CNTNAP2: variants seen among roughly 807,000 people sequenced by gnomAD.
The protein encoded by CNTNAP2 is contactin-associated protein-like 2.
CNTNAP2 carries 98 observed loss-of-function variants against 155.2 expected under a neutral mutation model. The ratio of observed to expected loss-of-function variants is 0.63; its 90% CI spans 0.54 to 0.75. The LOEUF is 0.75. CNTNAP2 is among the 30% of genes least tolerant of loss of function. The pLI, the probability that CNTNAP2 is intolerant of heterozygous loss-of-function variation, is 0.00. For synonymous variants in CNTNAP2, 651 were observed against 631.2 expected (o/e 1.03, Z -0.47); for missense variants, 1,727 against 1,688.1 (o/e 1.02, Z -0.40).
At chr7:147,492,430 T>C (rs976658795) in intron 11 of CNTNAP2, among the ~76,000 whole-genome samples, 1 of 152,206 alleles carries the variant, frequency 6.6e-6, no homozygotes, top group Non-Finnish European at 1.5e-5. Context: ...TAGATACAGA[T>C]ATGTTTAAAT....
Position 146,380,878 on chromosome 7 carries a change from G to A in CNTNAP2, c.97+263905G>A, listed in dbSNP as rs554310265. Among the ~76,000 whole-genome samples the A allele has an allele frequency of 4.0e-3, 525 of 130,968 alleles. 3 individuals are homozygous for A. Among genetic ancestry groups the A allele is most frequent in the Non-Finnish European group, 6.1e-3 (391 of 64,510 alleles). The allele number at this position is 130,968 out of a possible 152,430, so 85.9% of individuals were successfully genotyped here. A position where few individuals can be genotyped will look rare whatever the true frequency, so the allele number is the denominator to read the frequency against. ...AGTGGCGCAATCTCGGCTCACTGCA[G>A]GCTCCGCCCCCTGGGGTTCACGCCA... On this transcript the variant is annotated intron_variant, in intron 1 of 23. Transcript: ENST00000361727.
chr7:147,786,579 G>A (rs1156518429), intron 13 of CNTNAP2, among the ~76,000 whole-genome samples: 1 of 152,198 alleles, frequency 6.6e-6, no homozygotes, highest in African/African-American at 2.4e-5. Flanking sequence ...AGAGGAAGCA[G>A]CAGCGTGGGG....
chr7:147,014,965 C>T (rs552142681), intron 3 of CNTNAP2, among the ~76,000 whole-genome samples: 1 of 151,992 alleles, frequency 6.6e-6, no homozygotes, highest in Non-Finnish European at 1.5e-5. Context: ...GAAAAAGAAG[C>T]CTTACTACAA....
intron 1 of CNTNAP2, among the ~76,000 whole-genome samples, chr7:146,382,900 C>T (rs376452385): frequency 8.6e-5 from 13 of 152,002 alleles, no homozygotes; most frequent in East Asian, 3.9e-4. Context: ...GAATTTGAAA[C>T]GACTACATAA....
rs143678407 is a variant in CNTNAP2, at chr7:147,532,749, A to G, written c.1778-29389A>G. On this transcript the variant is annotated intron_variant, in intron 11 of 23. Coordinates refer to ENST00000361727, the MANE Select transcript of CNTNAP2 (RefSeq NM_014141.6). ...AGACACTTCTTACGTGGCAGCAGCA[A>G]GAGAAAATGAGGAAGAAGTAAAAGC... Among the ~76,000 whole-genome samples, 38 of 152,326 alleles carry G rather than the reference A, an allele frequency of 2.5e-4. No individual in the cohort carries two copies. In the East Asian group the frequency reaches 6.8e-3, roughly 27 times the overall value.
chr7:147,404,613 A>G (rs7783311), intron 10 of CNTNAP2, among the ~76,000 whole-genome samples: 71,582 of 152,052 alleles, frequency 0.47, 19,632 homozygotes, highest in African/African-American at 0.77. Context: ...TGACTTATTC[A>G]TAATATTAGA....
intron 8 of CNTNAP2, among the ~76,000 whole-genome samples, chr7:147,137,927 A>G (rs12671954): frequency 0.36 from 53,526 of 146,952 alleles, 10,452 homozygotes; most frequent in East Asian, 0.54. Context: ...GTAGATAGAT[A>G]AAAAGTATTG....
At chr7:148,160,369 C>T (rs1317756816) in intron 17 of CNTNAP2, among the ~76,000 whole-genome samples, 1 of 150,906 alleles carries the variant, frequency 6.6e-6, no homozygotes, top group Non-Finnish European at 1.5e-5. Context: ...CGTGATCACA[C>T]TACTGTACTA....
At chr7:147,669,729 T>G (rs1408827853) in intron 13 of CNTNAP2, among the ~76,000 whole-genome samples, 1 of 152,196 alleles carries the variant, frequency 6.6e-6, no homozygotes, top group Non-Finnish European at 1.5e-5. Flanking sequence ...TTGTTTCCCA[T>G]TGGCACCACC....
intron 13 of CNTNAP2, among the ~76,000 whole-genome samples, chr7:147,778,028 A>G (rs960924891): frequency 1.3e-5 from 2 of 152,088 alleles, no homozygotes; most frequent in African/African-American, 4.8e-5. Flanking sequence ...TTACTCTCCT[A>G]TGGAACTTTT....
At chr7:147,071,352 C>T (rs1183339899) in intron 4 of CNTNAP2, among the ~76,000 whole-genome samples, 1 of 150,090 alleles carries the variant, frequency 6.7e-6, no homozygotes, top group Non-Finnish European at 1.5e-5. Context: ...TGTATACATT[C>T]CTCCAACCAT....
chr7:146,280,855 A>T (rs1016960620), intron 1 of CNTNAP2, among the ~76,000 whole-genome samples: 1 of 152,168 alleles, frequency 6.6e-6, no homozygotes, highest in Non-Finnish European at 1.5e-5. Context: ...GCTCTAAGCC[A>T]TTCAGTGACC....
At chr7:146,570,535 G>A (rs992641814) in intron 1 of CNTNAP2, among the ~76,000 whole-genome samples, 3 of 152,106 alleles carry the variant, frequency 2.0e-5, no homozygotes, top group African/African-American at 7.2e-5. Context: ...AAAAATTGAA[G>A]CAGGTATATC....
chr7:146,906,275 A>G (rs1000580983), intron 3 of CNTNAP2, among the ~76,000 whole-genome samples: 1 of 152,238 alleles, frequency 6.6e-6, no homozygotes, highest in African/African-American at 2.4e-5. Context: ...AGCAGCCAGG[A>G]AGCTGGAACT....
Position 147,128,551 on chromosome 7 carries a change from C to T in CNTNAP2, c.940-142C>T, listed in dbSNP as rs545441529. 1.1e-5 allele frequency: 9 copies of T among 815,896 alleles called. No homozygotes were observed. In the African/African-American group the frequency reaches 1.4e-4, roughly 12 times the overall value. The allele number at this position is 815,896 out of a possible 1,614,324, so 50.5% of individuals were successfully genotyped here. Reference sequence around the variant, plus strand: ...TTCAACAACAACATAATTTAATATGCCATAGATTTTGGAGGCAGAATGCTA... The same window carrying T: ...TTCAACAACAACATAATTTAATATGTCATAGATTTTGGAGGCAGAATGCTA... On this transcript the variant is annotated intron_variant, in intron 6 of 23. Coordinates refer to ENST00000361727, the MANE Select transcript of CNTNAP2 (RefSeq NM_014141.6).
At chr7:148,063,823 G>A (rs553100429) in intron 15 of CNTNAP2, among the ~76,000 whole-genome samples, 2 of 151,974 alleles carry the variant, frequency 1.3e-5, no homozygotes, top group South Asian at 4.2e-4. Context: ...GTCTAGAAGG[G>A]TTTTTCTGAT....
chr7:147,404,807 C>G (rs573035187), intron 10 of CNTNAP2, among the ~76,000 whole-genome samples: 1 of 152,262 alleles, frequency 6.6e-6, no homozygotes, highest in East Asian at 1.9e-4. Flanking sequence ...ATCACATACC[C>G]AGGCGAACCC....
chr7:146,436,760 C>T (rs922191271), intron 1 of CNTNAP2, among the ~76,000 whole-genome samples: 1 of 147,410 alleles, frequency 6.8e-6, no homozygotes, highest in South Asian at 2.1e-4. Context: ...TTAAACAGGA[C>T]AATAGCAAGT....
At chr7:148,389,206 T>A (rs1383676148) in intron 22 of CNTNAP2, among the ~76,000 whole-genome samples, 1 of 152,194 alleles carries the variant, frequency 6.6e-6, no homozygotes, top group Non-Finnish European at 1.5e-5. Flanking sequence ...TTTGACTATG[T>A]CCCCACCCAA....
Sources: gnomAD v4.1 joint callset for allele counts (sites outside exome capture counted in the v4.1 genomes callset) on GRCh38, gnomAD v4.1.1 for gene constraint, MANE v1.5 for transcripts, NCBI Gene and HGNC (gene_info 2026-07-23, HGNC 2026-07-21) for gene names.